DUOX2: variants seen among roughly 807,000 people sequenced by gnomAD.
DUOX2 encodes NADH/NADPH thyroid oxidase p138-tox.
In DUOX2, 185 loss-of-function variants were observed where a neutral mutation model predicts 183.3. The ratio of observed to expected loss-of-function variants is 1.01; its 90% CI spans 0.90 to 1.14. DUOX2 has a LOEUF of 1.14. Ranked by LOEUF, DUOX2 falls within the 50% of genes most tolerant of loss-of-function variation. DUOX2 has a pLI of 0.00. For synonymous variants in DUOX2, 788 were observed against 812.4 expected (o/e 0.97, Z 0.51); for missense variants, 1,999 against 2,022.9 (o/e 0.99, Z 0.23).
At chr15:45,108,563 GAATGGTAC>G (rs1317165210) in intron 12 of DUOX2, 1 of 645,638 alleles carries the variant, frequency 1.5e-6, no homozygotes, top group African/African-American at 1.8e-5. Context: ...CACCCTGCAG[GAATGGTAC>G]AATGCAGTGG....
intron 31 of DUOX2, 51 bp downstream of exon 31, chr15:45,095,386 C>G (rs1893873069): frequency 6.2e-7 from 1 of 1,611,722 alleles, no homozygotes; most frequent in Non-Finnish European, 8.5e-7. Context: ...TGATGCGGGT[C>G]ACAATTCGGC....
At chr15:45,109,208 T>G (rs1460886045) in intron 11 of DUOX2, 10 of 606,780 alleles carry the variant, frequency 1.6e-5, no homozygotes, top group Non-Finnish European at 2.6e-5. Context: ...AAATTCCCTG[T>G]CCTATGCCTC....
chr15:45,110,806 C>A (rs1024465143), intron 7 of DUOX2, 96 bp from the exon 8 acceptor site: 39 of 1,581,366 alleles, frequency 2.5e-5, no homozygotes, highest in Admixed American at 7.1e-5. Context: ...GGAGATGAGA[C>A]CAGGAAGGGT....
intron 3 of DUOX2, 22 bp downstream of exon 3, chr15:45,112,965 C>G: frequency 6.2e-7 from 1 of 1,611,348 alleles, no homozygotes; most frequent in Non-Finnish European, 8.5e-7. Context: ...GGCCCCAGCA[C>G]GCCCGGGCCC....
intron 23 of DUOX2, 64 bp downstream of exon 23, chr15:45,100,691 G>C (rs1894056285): frequency 7.4e-6 from 10 of 1,355,658 alleles, no homozygotes; most frequent in Admixed American, 6.7e-5. Context: ...ATGTGGGTGG[G>C]GCCTAGGGAC....
intron 23 of DUOX2, 196 bp from the exon 24 acceptor site, chr15:45,100,424 G>C: frequency 1.6e-6 from 1 of 617,364 alleles, no homozygotes; most frequent in East Asian, 2.7e-5. Context: ...CCCACTCACT[G>C]TCTCCCTGCT....
Position 45,106,106 on chromosome 15 carries a change from G to C in DUOX2, c.2148+19C>G. The C allele has an allele frequency of 6.2e-7, 1 of 1,613,930 alleles. No homozygotes were observed. Among genetic ancestry groups the C allele is most frequent in the South Asian group, 1.1e-5 (1 of 91,066 alleles). ...TCGTGTGAGGGCAGCCCAGGCTGGG[G>C]AGGCAGGACGAGCCATACCAGGTCA... On this transcript the variant is annotated intron_variant, in intron 17 of 33. Coordinates refer to ENST00000389039, the MANE Select transcript of DUOX2 (RefSeq NM_001363711.2).
chr15:45,094,514 C>A, intron 33 of DUOX2, 49 bp downstream of exon 33: 1 of 1,581,604 alleles, frequency 6.3e-7, no homozygotes, highest in Non-Finnish European at 8.6e-7. Flanking sequence ...GCCAGGATGT[C>A]CTGGCAGGAG....
rs1212748007 is a variant in DUOX2, at chr15:45,094,930, A to G, written c.4395+6T>C. ...AAGTTGCCCTGCCTGGCGGGCCCTG[A>G]CATACTAGCATGGTGGTCCTGAGGT... On this transcript the variant is annotated splice_donor_region_variant and intron_variant, in intron 32 of 33. Transcript: ENST00000389039. 3 of 1,613,700 alleles carry G rather than the reference A, an allele frequency of 1.9e-6. No individual in the cohort carries two copies. The highest frequency in any genetic ancestry group is 2.5e-6 in the Non-Finnish European group (3 of 1,179,798).
At position 45,100,816 on chromosome 15, in the gene DUOX2, G is replaced by C. The variant is rs61730030; in HGVS notation, c.2944C>G (p.Pro982Ala). ...GERSHPQGLG[P>A]PAPEAPELGG... ...AGCTCTGGGGCTTCTGGGGCAGGGG[G>C]CCCCAGTCCCTGGGGGTGGGAGCTG... Residue 982 changes from proline to alanine, a missense_variant, in exon 23 of 34, where the codon CCC becomes GCC. Pro to Ala is a conservative substitution (Grantham distance 27). This residue lies in a region of DUOX2 where 1,628 missense variants were observed against 1,608.6 expected (regional missense o/e 1.01). Transcript: ENST00000389039. 0.053 allele frequency: 85,163 copies of C among 1,613,610 alleles called. 2,520 individuals carry two copies. Among genetic ancestry groups the C allele is most frequent in the Admixed American group, 0.067 (4,039 of 59,998 alleles).
rs369478399 is a variant in DUOX2 at position 45,095,993 on chromosome 15, G to A, written c.3915C>T (p.Ile1305=). 5.5e-5 allele frequency: 89 copies of A among 1,614,078 alleles called. 1 individual carries two copies. In the South Asian group the frequency reaches 7.4e-4, roughly 13 times the overall value. ...FEYKSGQWVR[I]ACLALGTTEY... Reference sequence around the variant, plus strand: ...CGGTGGTCCCCAGAGCCAGGCAGGCGATCCGCACCCACTGTCCTGACTTGT... The same window carrying A: ...CGGTGGTCCCCAGAGCCAGGCAGGCAATCCGCACCCACTGTCCTGACTTGT... Residue 1305 remains isoleucine, a synonymous_variant, in exon 30 of 34, where the codon ATC becomes ATT. Coordinates refer to ENST00000389039, the MANE Select transcript of DUOX2 (RefSeq NM_001363711.2).
intron 31 of DUOX2, 120 bp downstream of exon 31, chr15:45,095,317 G>A: frequency 3.3e-6 from 5 of 1,504,886 alleles, no homozygotes; most frequent in Non-Finnish European, 4.6e-6. Context: ...CACTGGGTAA[G>A]AATGACCCCT....
At chr15:45,108,975 C>A (rs1894306492) in intron 11 of DUOX2, 23 bp from the exon 12 acceptor site, 3 of 1,613,886 alleles carry the variant, frequency 1.9e-6, no homozygotes, top group Non-Finnish European at 1.7e-6. Context: ...GAAGACTAGA[C>A]TATGGGCTTT....
Position 45,095,969 on chromosome 15 carries a change from G to T in DUOX2, c.3939C>A (p.Thr1313=). 6.2e-7 allele frequency: 1 copy of T among 1,614,080 alleles called. No homozygotes were observed. Among genetic ancestry groups the T allele is most frequent in the Non-Finnish European group, 8.5e-7 (1 of 1,180,000 alleles). The change falls in exon 30 of 34, where the codon ACC becomes ACA. Residue 1313 remains threonine (T), a synonymous_variant. Coordinates refer to ENST00000389039, the MANE Select transcript of DUOX2 (RefSeq NM_001363711.2). ...AGGTCAGTGTGAAGGGGTGGTACTC[G>T]GTGGTCCCCAGAGCCAGGCAGGCGA... ...VRIACLALGT[T]EYHPFTLTSA...
intron 7 of DUOX2, 137 bp from the exon 8 acceptor site, chr15:45,110,847 C>T: frequency 1.5e-6 from 2 of 1,308,444 alleles, no homozygotes; most frequent in African/African-American, 1.5e-5. Context: ...CAGACAGGAG[C>T]AGTGTGAGGC....
In DUOX2 at chr15:45,097,691, C is replaced by G; in HGVS notation, c.3616G>C (p.Ala1206Pro). 1 of 1,614,172 alleles carries G rather than the reference C, an allele frequency of 6.2e-7. No homozygotes were observed. Among genetic ancestry groups the G allele is most frequent in the Non-Finnish European group, 8.5e-7 (1 of 1,180,040 alleles). Residue 1206 changes from alanine to proline, a missense_variant, in exon 28 of 34, where the codon GCC (alanine) becomes CCC (proline). Transcript: ENST00000389039. Reference protein sequence around the residue: ...LLVLAIMYVFASHHFRRRSFR... With the variant: ...LLVLAIMYVFPSHHFRRRSFR... The stretch of plus-strand genomic sequence containing the variant: ...CTGCGGCGGCGGAAGTGGTGGGAGG[C>G]GAAGACATACATGATGGCCAGGACC...
rs1894278209 is a variant in DUOX2 at position 45,108,202 on chromosome 15, G to A, written c.1419C>T (p.Ala473=). The change falls in exon 13 of 34, where the codon GCC becomes GCT. Residue 473 remains alanine, a synonymous_variant. Transcript: ENST00000389039. ...GCTGGGATAGGTCCTGGTTGTACAG[G>A]GCAGCTGTGGCCTCCAGCACCTGGG... The part of the protein sequence containing the change: ...VDPQVLEATA[A]LYNQDLSQLE... The A allele has an allele frequency of 1.2e-6, 2 of 1,614,186 alleles. No homozygotes were observed. The highest frequency in any genetic ancestry group is 2.7e-5 in the African/African-American group (2 of 75,066).
At chr15:45,103,621 C>T (rs918645469) in intron 20 of DUOX2, among the ~76,000 whole-genome samples, 3 of 152,156 alleles carry the variant, frequency 2.0e-5, no homozygotes, top group South Asian at 2.1e-4. Flanking sequence ...CGGTGTTGGG[C>T]GTGCCGTAAA....
chr15:45,111,976 T>A (rs1236096868), intron 4 of DUOX2, 21 bp from the exon 5 acceptor site: 4 of 1,612,082 alleles, frequency 2.5e-6, no homozygotes, highest in Admixed American at 3.3e-5. Context: ...GGGGCGCCAA[T>A]ACGTGACAAA....
Sources: allele counts gnomAD v4.1 joint callset (sites outside exome capture counted in the v4.1 genomes callset), GRCh38; gene constraint gnomAD v4.1.1; regional missense constraint gnomAD v4.1.1; transcripts MANE v1.5; gene names NCBI Gene and HGNC (gene_info 2026-07-23, HGNC 2026-07-21).